MYO18B: variants seen among roughly 807,000 people sequenced by gnomAD.
MYO18B encodes unconventional myosin-XVIIIb.
Under a neutral mutation model 273.0 loss-of-function variants are expected in MYO18B, and 204 were observed. The ratio of observed to expected loss-of-function variants is 0.75; its 90% CI spans 0.67 to 0.84. MYO18B has a LOEUF of 0.84. Among genes scored for constraint, MYO18B ranks in the 40% least tolerant of loss-of-function variants. MYO18B has a pLI of 0.00. For synonymous variants in MYO18B, 1,330 were observed against 1,305.7 expected (o/e 1.02, Z -0.40); for missense variants, 3,212 against 3,287.6 (o/e 0.98, Z 0.56).
intron 34 of MYO18B, among the ~76,000 whole-genome samples, chr22:25,943,426 C>T (rs572362362): frequency 6.6e-6 from 1 of 152,268 alleles, no homozygotes; most frequent in South Asian, 2.1e-4. Context: ...GAGATTAGGC[C>T]ACCTACCTCC....
At chr22:25,969,946 CATT>C (rs1413264304) in intron 39 of MYO18B, among the ~76,000 whole-genome samples, 24 of 152,258 alleles carry the variant, frequency 1.6e-4, no homozygotes, top group African/African-American at 5.5e-4. Context: ...TCATCATCAT[CATT>C]ATCATCATCA....
At chr22:25,824,930 G>A (rs920625993) in intron 13 of MYO18B, among the ~76,000 whole-genome samples, 1 of 151,780 alleles carries the variant, frequency 6.6e-6, no homozygotes, top group Admixed American at 6.6e-5. Context: ...TCACACACAT[G>A]CACAGACACT....
At chr22:25,745,187 G>A (rs2085741563) in intron 1 of MYO18B, among the ~76,000 whole-genome samples, 1 of 152,060 alleles carries the variant, frequency 6.6e-6, no homozygotes, top group Admixed American at 6.6e-5. Context: ...TCGGCTCACT[G>A]CAACCTCTGC....
chr22:25,908,472 G>T, intron 32 of MYO18B, 40 bp downstream of exon 32: 2 of 1,513,442 alleles, frequency 1.3e-6, no homozygotes, highest in Non-Finnish European at 1.8e-6. Context: ...TTGGATCCTG[G>T]CAGGTCTGGC....
At chr22:25,917,966 C>T (rs932339464) in intron 33 of MYO18B, among the ~76,000 whole-genome samples, 3 of 152,010 alleles carry the variant, frequency 2.0e-5, no homozygotes, top group South Asian at 2.1e-4. Context: ...AAGTGAGGCT[C>T]GGAAAAGTAA....
chr22:25,895,042 G>T, intron 27 of MYO18B, 114 bp from the exon 28 acceptor site: 1 of 1,278,394 alleles, frequency 7.8e-7, no homozygotes, highest in Non-Finnish European at 1.1e-6. Flanking sequence ...CAAGGGCTCT[G>T]TGAATATTGT....
chr22:25,749,083 C>T (rs1043112474), intron 1 of MYO18B, among the ~76,000 whole-genome samples: 5 of 152,194 alleles, frequency 3.3e-5, no homozygotes, highest in African/African-American at 1.2e-4. Flanking sequence ...GATAAAAGCT[C>T]ACAGTCCTTC....
In MYO18B at chr22:25,846,101, G is replaced by A. The variant is rs747649794; in HGVS notation, c.3370G>A (p.Glu1124Lys). Residue 1124 changes from glutamate (E) to lysine (K), a missense_variant and splice_region_variant, in exon 19 of 44, where the codon GAG becomes AAG. By Grantham distance (56) the Glu-to-Lys change is moderately conservative. Transcript: ENST00000335473. The part of the protein sequence containing the change: ...APQVLHQSKR[E>K]ELRSLFQARA... The stretch of plus-strand genomic sequence containing the variant: ...TCTCTTTTCCCTCCTCCCCACCAGA[G>A]AGGAGCTGCGGAGTCTATTCCAGGC... 1.3e-6 allele frequency: 2 copies of A among 1,545,264 alleles called. No homozygotes were observed. Among genetic ancestry groups the A allele is most frequent in the East Asian group, 2.4e-5 (1 of 41,820 alleles).
rs757436415 is a variant in MYO18B at position 25,851,466 on chromosome 22, C to A, written c.3776-4C>A. ...TCTTCTCCTGCCTGCTCCTACCTCC[C>A]TAGGCTATGCTGACCACATGGGGCT... On this transcript the variant is annotated splice_polypyrimidine_tract_variant and splice_region_variant and intron_variant, in intron 20 of 43. Transcript: ENST00000335473. The A allele has an allele frequency of 1.0e-5, 16 of 1,550,542 alleles. No individual in the cohort carries two copies. In the South Asian group the frequency reaches 1.8e-4, roughly 17 times the overall value.
At chr22:26,008,767 G>A (rs565786161) in intron 42 of MYO18B, among the ~76,000 whole-genome samples, 24 of 152,288 alleles carry the variant, frequency 1.6e-4, no homozygotes, top group Non-Finnish European at 2.9e-4. Flanking sequence ...CCAGGGTCTG[G>A]CATGCTTACG....
chr22:25,885,243 C>T (rs6004809), intron 25 of MYO18B, among the ~76,000 whole-genome samples: 62,881 of 152,060 alleles, frequency 0.41, 14,137 homozygotes, highest in East Asian at 0.6. Context: ...ATCCCCATCT[C>T]ACAGATGAGG....
intron 32 of MYO18B, among the ~76,000 whole-genome samples, chr22:25,910,453 A>G (rs1030588622): frequency 6.6e-6 from 1 of 152,176 alleles, no homozygotes; most frequent in African/African-American, 2.4e-5. Flanking sequence ...ATACCACTGC[A>G]CTGAGGGTTA....
At chr22:25,988,121 A>G (rs775797271) in intron 39 of MYO18B, among the ~76,000 whole-genome samples, 1 of 151,750 alleles carries the variant, frequency 6.6e-6, no homozygotes, top group Non-Finnish European at 1.5e-5. Context: ...TTCCTGTTTC[A>G]TGAGAGGGGC....
At chr22:25,959,824 C>G (rs1427928304) in intron 39 of MYO18B, among the ~76,000 whole-genome samples, 1 of 152,092 alleles carries the variant, frequency 6.6e-6, no homozygotes, top group Non-Finnish European at 1.5e-5. Flanking sequence ...GATTGGTGTC[C>G]CACGTGTCCA....
intron 34 of MYO18B, among the ~76,000 whole-genome samples, chr22:25,937,885 G>A (rs913259320): frequency 3.3e-5 from 5 of 152,024 alleles, no homozygotes; most frequent in East Asian, 1.9e-4. Context: ...GCTCCCGGCC[G>A]ACATTCTTAA....
intron 4 of MYO18B, among the ~76,000 whole-genome samples, chr22:25,769,787 T>A (rs1231438393): frequency 2.0e-5 from 3 of 151,916 alleles, no homozygotes; most frequent in African/African-American, 2.4e-5. Context: ...AAATGCAGAT[T>A]CCTGGGGCCA....
chr22:25,763,977 A>T (rs1330243911), intron 3 of MYO18B, among the ~76,000 whole-genome samples: 2 of 152,214 alleles, frequency 1.3e-5, no homozygotes, highest in Admixed American at 1.3e-4. Flanking sequence ...CCTTCATACC[A>T]GGTGGTAAAT....
At chr22:25,990,504 G>C (rs1415453554) in intron 39 of MYO18B, among the ~76,000 whole-genome samples, 1 of 151,912 alleles carries the variant, frequency 6.6e-6, no homozygotes, top group Admixed American at 6.6e-5. Context: ...TGGCGAACGT[G>C]GTGAAATCCC....
In MYO18B at chr22:25,960,033, T is replaced by C. The variant is rs151110133; in HGVS notation, c.6156+4669T>C. ...CTATTTGTCACTGTTGGTGTTGGTT[T>C]AAAGAACTGTGAGTTGTTGCATGTG... On this transcript the variant is annotated intron_variant, in intron 39 of 43. Transcript: ENST00000335473. 4.9e-3 allele frequency among the ~76,000 whole-genome samples: 751 copies of C among 152,298 alleles called. 1 individual carries two copies. The highest frequency in any genetic ancestry group is 7.6e-3 in the Non-Finnish European group (519 of 68,014).
Sources: allele counts gnomAD v4.1 joint callset (sites outside exome capture counted in the v4.1 genomes callset), GRCh38; gene constraint gnomAD v4.1.1; transcripts MANE v1.5; gene names NCBI Gene and HGNC (gene_info 2026-07-23, HGNC 2026-07-21).